Variants in NXPH1 observed in about 807,000 individuals in gnomAD.
NXPH1 encodes neurexophilin 1.
NXPH1 carries 5 observed loss-of-function variants against 23.7 expected under a neutral mutation model. The ratio of observed to expected loss-of-function variants is 0.21; its 90% CI spans 0.11 to 0.44. The LOEUF is 0.44. NXPH1 is among the 20% of genes least tolerant of loss of function. NXPH1 has a pLI of 0.99. For synonymous variants in NXPH1, 144 were observed against 122.2 expected (o/e 1.18, Z -1.18); for missense variants, 324 against 321.6 (o/e 1.01, Z -0.06).
chr7:8,485,336 T>A (rs1236262150), intron 2 of NXPH1, among the ~76,000 whole-genome samples: 1 of 152,182 alleles, frequency 6.6e-6, no homozygotes, highest in Non-Finnish European at 1.5e-5. Flanking sequence ...TAAACCTTTT[T>A]CTTTTATAAA....
chr7:8,710,817 C>A lies in NXPH1; in HGVS notation c.55-40191C>A, dbSNP rs989044940. Reference sequence around the variant, plus strand: ...AGCTGGGACTACAGGCGCCCGCCACCGCGCCCGGCTAATTTTTTGTATTTT... The same window carrying A: ...AGCTGGGACTACAGGCGCCCGCCACAGCGCCCGGCTAATTTTTTGTATTTT... On this transcript the variant is annotated intron_variant, in intron 2 of 2. Coordinates refer to ENST00000405863, the MANE Select transcript of NXPH1 (RefSeq NM_152745.3). Among the ~76,000 whole-genome samples the A allele has an allele frequency of 1.2e-4, 16 of 137,538 alleles. 1 individual carries two copies. Among genetic ancestry groups the A allele is most frequent in the Admixed American group, 7.1e-5 (1 of 14,170 alleles). 90.2% of individuals were successfully genotyped at this position (137,538 alleles called of 152,430 possible). A position where few individuals can be genotyped will look rare whatever the true frequency, so the allele number is the denominator to read the frequency against.
At chr7:8,550,165 C>G (rs1818256153) in intron 2 of NXPH1, among the ~76,000 whole-genome samples, 1 of 151,590 alleles carries the variant, frequency 6.6e-6, no homozygotes, top group African/African-American at 2.4e-5. Flanking sequence ...GACTCTCACT[C>G]TGTCCTTGGC....
rs1583251699 is a variant in NXPH1, at chr7:8,732,575, G to T, written c.55-18433G>T. On this transcript the variant is annotated intron_variant, in intron 2 of 2. Coordinates refer to ENST00000405863, the MANE Select transcript of NXPH1 (RefSeq NM_152745.3). ...ACTGACAAAATGAAATCGTTTTATGGGTAATACAAAAGTGATTCTGAAGTG... is the reference window on the plus strand; with the variant it reads ...ACTGACAAAATGAAATCGTTTTATGTGTAATACAAAAGTGATTCTGAAGTG... Among the ~76,000 whole-genome samples, 2 of 152,198 alleles carry T rather than the reference G, an allele frequency of 1.3e-5. 1 individual carries two copies. The highest frequency in any genetic ancestry group is 4.1e-4 in the South Asian group (2 of 4,824).
chr7:8,502,369 C>CT (rs1022764151), intron 2 of NXPH1, among the ~76,000 whole-genome samples: 2 of 151,816 alleles, frequency 1.3e-5, no homozygotes, highest in South Asian at 2.1e-4. Context: ...ATATTTATTT[C>CT]TTTTTTTTCC....
chr7:8,501,562 G>C (rs186299231), intron 2 of NXPH1, among the ~76,000 whole-genome samples: 35 of 152,140 alleles, frequency 2.3e-4, no homozygotes, highest in South Asian at 2.3e-3. Flanking sequence ...CAAAACTCTA[G>C]AGTCACATTT....
At chr7:8,651,041 A>T (rs1201181801) in intron 2 of NXPH1, among the ~76,000 whole-genome samples, 18 of 149,378 alleles carry the variant, frequency 1.2e-4, no homozygotes, top group Admixed American at 2.7e-4. Context: ...TTACATATGT[A>T]TACATGTGCC....
chr7:8,739,949 A>G (rs751095129), intron 2 of NXPH1, among the ~76,000 whole-genome samples: 5 of 152,194 alleles, frequency 3.3e-5, no homozygotes, highest in Non-Finnish European at 5.9e-5. Flanking sequence ...TGGGACCACC[A>G]TTGTATATGC....
At chr7:8,638,576 A>AT (rs1428024835) in intron 2 of NXPH1, among the ~76,000 whole-genome samples, 1 of 152,158 alleles carries the variant, frequency 6.6e-6, no homozygotes, top group African/African-American at 2.4e-5. Context: ...TGATTGTTGT[A>AT]TTTTTCATAA....
At chr7:8,606,326 G>A (rs753694968) in intron 2 of NXPH1, among the ~76,000 whole-genome samples, 4 of 152,050 alleles carry the variant, frequency 2.6e-5, no homozygotes, top group Non-Finnish European at 4.4e-5. Flanking sequence ...CCCACCCTAC[G>A]TAACCCCTAA....
At chr7:8,504,611 A>G (rs764583460) in intron 2 of NXPH1, among the ~76,000 whole-genome samples, 24 of 152,092 alleles carry the variant, frequency 1.6e-4, no homozygotes, top group Admixed American at 1.6e-3. Context: ...AAGGCCTATC[A>G]GAGAAATCAC....
intron 2 of NXPH1, among the ~76,000 whole-genome samples, chr7:8,571,384 C>T (rs1185255001): frequency 2.0e-5 from 3 of 151,354 alleles, no homozygotes; most frequent in Admixed American, 2.0e-4. Flanking sequence ...ATTAGGGTTT[C>T]TTTGTGGATG....
At chr7:8,725,950 T>C (rs1419588259) in intron 2 of NXPH1, among the ~76,000 whole-genome samples, 1 of 152,250 alleles carries the variant, frequency 6.6e-6, no homozygotes, top group African/African-American at 2.4e-5. Flanking sequence ...AGGAATGTTA[T>C]TCCTTGGCAA....
intron 2 of NXPH1, among the ~76,000 whole-genome samples, chr7:8,749,060 A>G (rs1182101347): frequency 6.6e-6 from 1 of 152,134 alleles, no homozygotes; most frequent in Non-Finnish European, 1.5e-5. Flanking sequence ...TTTTTTCCAC[A>G]TTCCAAGCAC....
At chr7:8,650,264 C>T (rs1820470426) in intron 2 of NXPH1, among the ~76,000 whole-genome samples, 1 of 151,972 alleles carries the variant, frequency 6.6e-6, no homozygotes, top group African/African-American at 2.4e-5. Context: ...CAATTATTTG[C>T]TAAATATGTA....
chr7:8,461,784 C>G (rs1389152250), intron 2 of NXPH1, among the ~76,000 whole-genome samples: 3 of 142,842 alleles, frequency 2.1e-5, no homozygotes, highest in African/African-American at 8.1e-5. Context: ...GAGCTGAGAT[C>G]GCGCCACTGC....
At chr7:8,690,620 T>C (rs542749028) in intron 2 of NXPH1, among the ~76,000 whole-genome samples, 49 of 152,314 alleles carry the variant, frequency 3.2e-4, no homozygotes, top group African/African-American at 1.1e-3. Context: ...AGTGAAGAAA[T>C]GTCAGTAGGA....
intron 2 of NXPH1, among the ~76,000 whole-genome samples, chr7:8,457,222 C>A (rs1274379686): frequency 6.6e-6 from 1 of 152,138 alleles, no homozygotes; most frequent in Non-Finnish European, 1.5e-5. Flanking sequence ...ACTGTGCAAC[C>A]ATTTTACAAC....
chr7:8,542,140 G>T (rs1419412854), intron 2 of NXPH1, among the ~76,000 whole-genome samples: 1 of 151,006 alleles, frequency 6.6e-6, no homozygotes, highest in Non-Finnish European at 1.5e-5. Context: ...AGAAAAAAAA[G>T]AAAAAATATA....
At chr7:8,450,848 T>G (rs937136126) in intron 2 of NXPH1, among the ~76,000 whole-genome samples, 2 of 152,258 alleles carry the variant, frequency 1.3e-5, no homozygotes, top group African/African-American at 4.8e-5. Context: ...GATAATAATG[T>G]GTTCTATTAG....
Sources: allele counts gnomAD v4.1 joint callset (sites outside exome capture counted in the v4.1 genomes callset), GRCh38; gene constraint gnomAD v4.1.1; transcripts MANE v1.5; gene names NCBI Gene and HGNC (gene_info 2026-07-23, HGNC 2026-07-21).